KIF13B: variants seen among roughly 807,000 people sequenced by gnomAD.
KIF13B encodes the protein kinesin-like protein KIF13B.
A neutral mutation model predicts 222.0 loss-of-function variants in KIF13B; 127 were observed. That is an observed-to-expected ratio of 0.57 (90% CI 0.50 to 0.66). The LOEUF (loss-of-function observed/expected upper bound fraction) is 0.66. Ranked by LOEUF, KIF13B falls within the 30% of genes least tolerant of loss-of-function variation. The probability of loss-of-function intolerance (pLI) is 0.00; values close to 1 mark genes in which losing one functional copy is unlikely to be tolerated. For synonymous variants in KIF13B, 976 were observed against 919.0 expected (o/e 1.06, Z -1.12); for missense variants, 2,173 against 2,379.0 (o/e 0.91, Z 1.80).
intron 3 of KIF13B, among the ~76,000 whole-genome samples, chr8:29,195,828 G>A (rs147062397): frequency 8.5e-5 from 13 of 152,328 alleles, no homozygotes; most frequent in East Asian, 1.9e-4. Context: ...TTGAGGCCGC[G>A]CAGGTTTCTG....
intron 23 of KIF13B, 26 bp downstream of exon 23, chr8:29,132,282 G>GA: frequency 6.4e-6 from 9 of 1,398,982 alleles, no homozygotes; most frequent in Non-Finnish European, 8.5e-6. Flanking sequence ...TATATAAATG[G>GA]AATCAGATGA....
At chr8:29,178,451 C>T (rs1193455617) in intron 8 of KIF13B, among the ~76,000 whole-genome samples, 1 of 151,828 alleles carries the variant, frequency 6.6e-6, no homozygotes, top group Non-Finnish European at 1.5e-5. Flanking sequence ...ATATCTTTAT[C>T]AAAAGTGTTT....
At chr8:29,217,102 G>A (rs566148239) in intron 2 of KIF13B, among the ~76,000 whole-genome samples, 6 of 152,248 alleles carry the variant, frequency 3.9e-5, no homozygotes, top group Admixed American at 1.3e-4. Flanking sequence ...CCTCTTAGTA[G>A]AGGATACGTG....
chr8:29,208,061 C>G (rs1367710741), intron 2 of KIF13B, among the ~76,000 whole-genome samples: 1 of 152,146 alleles, frequency 6.6e-6, no homozygotes, highest in Non-Finnish European at 1.5e-5. Context: ...ATTAGAAAAT[C>G]ATGTATTTGC....
intron 26 of KIF13B, among the ~76,000 whole-genome samples, chr8:29,124,462 A>G (rs868807393): frequency 3.7e-4 from 56 of 152,192 alleles, no homozygotes; most frequent in Admixed American, 2.6e-3. Flanking sequence ...TAATCTTCCA[A>G]TATGGCTGGG....
At chr8:29,092,174 G>T (rs1025869566) in intron 37 of KIF13B, among the ~76,000 whole-genome samples, 1 of 152,156 alleles carries the variant, frequency 6.6e-6, no homozygotes, top group African/African-American at 2.4e-5. Context: ...TTTCCAATGG[G>T]GTTCCCATTC....
intron 18 of KIF13B, chr8:29,146,061 A>T (rs1378511132): frequency 1.8e-6 from 1 of 550,884 alleles, no homozygotes; most frequent in East Asian, 3.0e-5. Flanking sequence ...AAGGAAGGAA[A>T]AAAAGACATT....
intron 5 of KIF13B, among the ~76,000 whole-genome samples, chr8:29,187,517 C>T (rs1194513057): frequency 6.6e-6 from 1 of 152,076 alleles, no homozygotes; most frequent in Non-Finnish European, 1.5e-5. Flanking sequence ...GACAACAGAG[C>T]AAGACTCCGT....
chr8:29,222,309 C>A (rs1249984271), intron 2 of KIF13B, among the ~76,000 whole-genome samples: 1 of 152,098 alleles, frequency 6.6e-6, no homozygotes, highest in Non-Finnish European at 1.5e-5. Context: ...GTGTTCATGG[C>A]ATGGCACGGC....
chr8:29,154,357 AG>A (rs1426339311), intron 14 of KIF13B, among the ~76,000 whole-genome samples: 1 of 151,336 alleles, frequency 6.6e-6, no homozygotes, highest in African/African-American at 2.4e-5. Context: ...GGAGAAGGGA[AG>A]GGGAGAGGAG....
At chr8:29,156,244 TACAGGTGTGAGTCACC>T (rs1811520234) in intron 13 of KIF13B, among the ~76,000 whole-genome samples, 1 of 152,166 alleles carries the variant, frequency 6.6e-6, no homozygotes, top group Non-Finnish European at 1.5e-5. Flanking sequence ...GTGCTGGGAT[TACAGGTGTGAGTCACC>T]ATGCCTGGCC....
At chr8:29,246,598 C>G (rs1003239088) in intron 1 of KIF13B, among the ~76,000 whole-genome samples, 1 of 151,980 alleles carries the variant, frequency 6.6e-6, no homozygotes, top group African/African-American at 2.4e-5. Flanking sequence ...TTATAAAAAC[C>G]AACAAGGTCT....
At chr8:29,237,913 T>G (rs1403734166) in intron 2 of KIF13B, among the ~76,000 whole-genome samples, 2 of 152,202 alleles carry the variant, frequency 1.3e-5, no homozygotes, top group Admixed American at 6.5e-5. Context: ...ATATACAACT[T>G]CTGAGTACAC....
intron 37 of KIF13B, among the ~76,000 whole-genome samples, chr8:29,091,236 C>T (rs1444746460): frequency 6.6e-6 from 1 of 152,222 alleles, no homozygotes; most frequent in Non-Finnish European, 1.5e-5. Context: ...GTTCCTCTCA[C>T]TTCCAGAGAG....
chr8:29,218,961 G>A (rs1814616636), intron 2 of KIF13B: 1 of 152,276 alleles, frequency 6.6e-6, no homozygotes, highest in Admixed American at 6.5e-5. Context: ...AACACAAGTG[G>A]CGGCAGCCAG....
At chr8:29,214,286 C>T (rs987589746) in intron 2 of KIF13B, among the ~76,000 whole-genome samples, 10 of 138,130 alleles carry the variant, frequency 7.2e-5, no homozygotes, top group African/African-American at 3.2e-4. Context: ...CTTGTAATAA[C>T]AGTCAGGTTA....
At chr8:29,171,809 G>A (rs996062390) in intron 10 of KIF13B, among the ~76,000 whole-genome samples, 1 of 144,782 alleles carries the variant, frequency 6.9e-6, no homozygotes, top group African/African-American at 2.6e-5. Flanking sequence ...CCAGGCTGGA[G>A]TGCAGTGGCA....
intron 3 of KIF13B, among the ~76,000 whole-genome samples, chr8:29,192,225 G>T (rs1813221637): frequency 1.3e-5 from 2 of 152,100 alleles, no homozygotes; most frequent in African/African-American, 4.8e-5. Context: ...CACAGAGAAG[G>T]CTCGCCCAAA....
chr8:29,146,822 T>G (rs1164401268), intron 17 of KIF13B, among the ~76,000 whole-genome samples: 1 of 152,196 alleles, frequency 6.6e-6, no homozygotes, highest in Non-Finnish European at 1.5e-5. Context: ...CTCAAGATTC[T>G]GTCTCAGCAG....
Sources: gnomAD v4.1 joint callset for allele counts (sites outside exome capture counted in the v4.1 genomes callset) on GRCh38, gnomAD v4.1.1 for gene constraint, MANE v1.5 for transcripts, NCBI Gene and HGNC (gene_info 2026-07-23, HGNC 2026-07-21) for gene names.